Variants in UTRN observed in about 807,000 individuals in gnomAD.
The protein encoded by UTRN is utrophin, also known as dystrophin-related protein 1.
UTRN carries 283 observed loss-of-function variants against 463.9 expected under a neutral mutation model. The ratio of observed to expected loss-of-function variants is 0.61; its 90% confidence interval spans 0.55 to 0.67. The LOEUF (loss-of-function observed/expected upper bound fraction) is 0.67. UTRN is among the 30% of genes least tolerant of loss of function. The pLI, the probability that UTRN is intolerant of heterozygous loss-of-function variation, is 0.00. For synonymous variants in UTRN, 1,442 were observed against 1,431.5 expected (o/e 1.01, Z -0.17); for missense variants, 3,922 against 4,084.3 (o/e 0.96, Z 1.08).
chr6:144,806,563 T>TTTCTTTC (rs1778167318), intron 65 of UTRN, among the ~76,000 whole-genome samples: 1 of 145,928 alleles, frequency 6.9e-6, no homozygotes, highest in Non-Finnish European at 1.5e-5. Flanking sequence ...ATTGCTATTA[T>TTTCTTTC]TGTAGCATTA....
At position 144,835,766 on chromosome 6, in the gene UTRN, C is replaced by T; in HGVS notation, c.9666-14C>T. The T allele has an allele frequency of 6.2e-7, 1 of 1,613,514 alleles. No individual in the cohort carries two copies. The highest frequency in any genetic ancestry group is 8.5e-7 in the Non-Finnish European group (1 of 1,179,776). On this transcript the variant is annotated splice_polypyrimidine_tract_variant and intron_variant, in intron 69 of 74. Coordinates refer to ENST00000367545, the MANE Select transcript of UTRN (RefSeq NM_007124.3). ...AGATGTGAGCCTCTGGGTCTGTTTC[C>T]TTTGTCTTGCTAGGGAAGACGAGCA...
chr6:144,632,244 A>G (rs554190491), intron 51 of UTRN, among the ~76,000 whole-genome samples: 77 of 152,290 alleles, frequency 5.1e-4, no homozygotes, highest in African/African-American at 1.7e-3. Flanking sequence ...TTGGTTATTC[A>G]TATTGTCTAT....
At chr6:144,788,430 G>A (rs1295681054) in intron 61 of UTRN, among the ~76,000 whole-genome samples, 2 of 152,058 alleles carry the variant, frequency 1.3e-5, no homozygotes, top group East Asian at 1.9e-4. Flanking sequence ...TAATTTTCTA[G>A]TCTGTGTTCT....
chr6:144,762,656 G>C (rs1013662254), intron 58 of UTRN, among the ~76,000 whole-genome samples: 2 of 152,192 alleles, frequency 1.3e-5, no homozygotes, highest in Non-Finnish European at 2.9e-5. Flanking sequence ...TTGCCAGTTG[G>C]ACCTTGAGAG....
At chr6:144,804,655 GTGAGC>G (rs1343037648) in intron 65 of UTRN, among the ~76,000 whole-genome samples, 1 of 151,712 alleles carries the variant, frequency 6.6e-6, no homozygotes, top group Non-Finnish European at 1.5e-5. Context: ...AGCTGTGTCT[GTGAGC>G]TGGCAATTGT....
chr6:144,317,393 T>C (rs534158084), intron 2 of UTRN, among the ~76,000 whole-genome samples: 15 of 152,288 alleles, frequency 9.8e-5, no homozygotes, highest in African/African-American at 3.6e-4. Flanking sequence ...TCCAATCTGA[T>C]ATATATATTT....
At chr6:144,357,491 C>T (rs941340239) in intron 2 of UTRN, among the ~76,000 whole-genome samples, 4 of 152,174 alleles carry the variant, frequency 2.6e-5, no homozygotes, top group African/African-American at 7.2e-5. Context: ...CTTTCCTCTT[C>T]GGTGTTCTAG....
At chr6:144,792,302 T>G (rs1321771420) in intron 62 of UTRN, among the ~76,000 whole-genome samples, 1 of 152,146 alleles carries the variant, frequency 6.6e-6, no homozygotes, top group African/African-American at 2.4e-5. Context: ...TCCCCAGCAC[T>G]TTGGGAGGCC....
intron 55 of UTRN, among the ~76,000 whole-genome samples, chr6:144,749,312 A>G (rs74369645): frequency 6.6e-6 from 1 of 152,208 alleles, no homozygotes; most frequent in Non-Finnish European, 1.5e-5. Context: ...AAATATGTCA[A>G]AACAACTGGA....
At chr6:144,627,420 TG>T (rs1266375111) in intron 51 of UTRN, among the ~76,000 whole-genome samples, 1 of 152,246 alleles carries the variant, frequency 6.6e-6, no homozygotes, top group African/African-American at 2.4e-5. Context: ...TGCTCTATTT[TG>T]TAACTCTGTT....
chr6:144,398,586 G>A (rs1210471906), intron 2 of UTRN: 5 of 232,336 alleles, frequency 2.2e-5, no homozygotes, highest in Non-Finnish European at 3.4e-5. Context: ...GCACCCAGGA[G>A]CTATGATACA....
At chr6:144,447,050 C>G (rs1787765141) in intron 14 of UTRN, among the ~76,000 whole-genome samples, 161 bp from the exon 15 acceptor site, 1 of 152,168 alleles carries the variant, frequency 6.6e-6, no homozygotes, top group Non-Finnish European at 1.5e-5. Context: ...AGGTATCTTT[C>G]TGGGTCATTT....
At chr6:144,525,682 A>T in intron 41 of UTRN, among the ~76,000 whole-genome samples, 1 of 147,686 alleles carries the variant, frequency 6.8e-6, no homozygotes, top group African/African-American at 2.5e-5. Context: ...ATTTTCATTT[A>T]GCTCTGCTCT....
At chr6:144,343,974 AC>A in intron 2 of UTRN, 1 of 276,526 alleles carries the variant, frequency 3.6e-6, no homozygotes, top group Non-Finnish European at 6.4e-6. Context: ...TATTAAAAAA[AC>A]AAAAAACCTG....
chr6:144,450,568 CCAT>C (rs1788172006), intron 17 of UTRN, among the ~76,000 whole-genome samples: 1 of 152,190 alleles, frequency 6.6e-6, no homozygotes, highest in Admixed American at 6.5e-5. Context: ...CTGTTACTTT[CCAT>C]TGCTTACTAG....
chr6:144,517,201 A>G (rs1795696060), intron 39 of UTRN, among the ~76,000 whole-genome samples: 2 of 152,040 alleles, frequency 1.3e-5, no homozygotes, highest in East Asian at 1.9e-4. Flanking sequence ...AGATCTATCT[A>G]TTTCAGAAGT....
intron 2 of UTRN, among the ~76,000 whole-genome samples, chr6:144,310,496 T>C (rs1445824222): frequency 3.4e-5 from 5 of 147,982 alleles, no homozygotes; most frequent in South Asian, 2.2e-4. Context: ...AGATGAGCCA[T>C]TGCACTCCAG....
chr6:144,337,971 T>G lies in UTRN; in HGVS notation c.79+46064T>G, dbSNP rs555755830. On this transcript the variant is annotated intron_variant, in intron 2 of 74. Coordinates refer to ENST00000367545, the MANE Select transcript of UTRN (RefSeq NM_007124.3). ...GGCTTCGATTTAACTCTCTCTGACT[T>G]AATTCTGTTGATTATAATGTCATTC... is the stretch of plus-strand genomic sequence containing the variant. Among the ~76,000 whole-genome samples, 366 of 152,342 alleles carry G rather than the reference T, an allele frequency of 2.4e-3. 2 individuals are homozygous for G. Among genetic ancestry groups the G allele is most frequent in the African/African-American group, 7.9e-3 (329 of 41,572 alleles).
At chr6:144,572,477 C>T (rs572089604) in intron 50 of UTRN, among the ~76,000 whole-genome samples, 1 of 152,076 alleles carries the variant, frequency 6.6e-6, no homozygotes, top group Non-Finnish European at 1.5e-5. Context: ...TTTGCTGCAC[C>T]TATCAACCTG....
Sources: allele counts gnomAD v4.1 joint callset (sites outside exome capture counted in the v4.1 genomes callset), GRCh38; gene constraint gnomAD v4.1.1; transcripts MANE v1.5; gene names NCBI Gene and HGNC (gene_info 2026-07-23, HGNC 2026-07-21).